DNM2: variants seen among roughly 807,000 people sequenced by gnomAD.
DNM2 encodes the protein dynamin 2.
In DNM2, 15 loss-of-function variants were observed where a neutral mutation model predicts 99.0. That is an observed-to-expected ratio of 0.15 (90% CI 0.10 to 0.23). The LOEUF (loss-of-function observed/expected upper bound fraction) is 0.23, where lower values mean the gene tolerates loss of function less well. Among genes scored for constraint, DNM2 ranks in the 10% least tolerant of loss-of-function variants. DNM2 has a pLI of 1.00. For missense variants in DNM2, 742 were observed against 1,189.4 expected, an observed-to-expected ratio of 0.62 and a Z score of 5.53; for synonymous variants, 525 against 481.2, an observed-to-expected ratio of 1.09 and a Z score of -1.19.
Position 10,811,632 on chromosome 19 carries a change from G to A in DNM2, c.1558-632G>A. On this transcript the variant is annotated intron_variant, in intron 14 of 20. Transcript: ENST00000389253. This position sits in a 1 kb window ranked among gnomAD's most constrained non-coding sequence, Gnocchi z 5.4. ...TGCCTCCAGCGGCCAGGGAGCATGG[G>A]AGCACAGCCCCCAGGCTGCCTGCCG... The A allele has an allele frequency of 2.1e-6, 1 of 478,110 alleles. No individual in the cohort carries two copies. The highest frequency in any genetic ancestry group is 4.2e-6 in the Non-Finnish European group (1 of 239,754). 29.6% of individuals were successfully genotyped at this position (478,110 alleles called of 1,614,324 possible).
chr19:10,739,032 G>A (rs2069639626), intron 1 of DNM2, among the ~76,000 whole-genome samples: 1 of 152,128 alleles, frequency 6.6e-6, no homozygotes, highest in Admixed American at 6.6e-5. Flanking sequence ...GCGGGGCGTG[G>A]TAGCGGGCGC....
Position 10,793,715 on chromosome 19 carries a change from C to T in DNM2, c.993-5C>T, listed in dbSNP as rs1465269872. 4 of 1,614,012 alleles carry T rather than the reference C, an allele frequency of 2.5e-6. No homozygotes were observed. The highest frequency in any genetic ancestry group is 1.7e-5 in the Admixed American group (1 of 59,986). ...TTGATGCTTGCTTTTTCCTTTTCCT[C>T]ATAGGATGGTCCAGCAGTTTGGGGT... On this transcript the variant is annotated splice_polypyrimidine_tract_variant and splice_region_variant and intron_variant, in intron 7 of 20. Transcript: ENST00000389253.
At chr19:10,718,620 A>C (rs2068832118) in intron 1 of DNM2, 2 of 620,298 alleles carry the variant, frequency 3.2e-6, no homozygotes, top group African/African-American at 1.9e-5. Flanking sequence ...GGGCGGTGTC[A>C]CGGGCCAGGG....
rs943392159 is a variant in DNM2 at position 10,816,842 on chromosome 19, C to T, written c.1672-3138C>T. ...AGTTTTCAGATCTCCTCTTCCTTCACGTGAGGGGCCCTTCGTGTTTTTCTC... is the reference window on the plus strand; with the variant it reads ...AGTTTTCAGATCTCCTCTTCCTTCATGTGAGGGGCCCTTCGTGTTTTTCTC... On this transcript the variant is annotated intron_variant, in intron 15 of 20. Transcript: ENST00000389253. This position sits in a 1 kb window ranked among gnomAD's most constrained non-coding sequence, Gnocchi z 4.6. Among the ~76,000 whole-genome samples, 3 of 152,220 alleles carry T rather than the reference C, an allele frequency of 2.0e-5. No individual in the cohort carries two copies. The highest frequency in any genetic ancestry group is 2.1e-4 in the South Asian group (1 of 4,834).
intron 14 of DNM2, chr19:10,809,650 C>T (rs763343200): frequency 4.6e-5 from 7 of 152,372 alleles, no homozygotes; most frequent in South Asian, 4.1e-4. Flanking sequence ...GGCCTCAGCC[C>T]GGCTCTTACA....
Position 10,718,422 on chromosome 19 carries a change from G to C in DNM2, c.161+19G>C. 6.9e-7 allele frequency: 1 copy of C among 1,438,894 alleles called. No homozygotes were observed. The highest frequency in any genetic ancestry group is 2.8e-5 in the East Asian group (1 of 35,310). 89.1% of individuals were successfully genotyped at this position (1,438,894 alleles called of 1,614,324 possible). On this transcript the variant is annotated intron_variant, in intron 1 of 20. Transcript: ENST00000389253. Reference sequence around the variant, plus strand: ...TGGGCCGGTGAGCGGGCGCGGCAGGGATCGCGGGCGGGTGGCGGCCTAGGG... The same window carrying C: ...TGGGCCGGTGAGCGGGCGCGGCAGGCATCGCGGGCGGGTGGCGGCCTAGGG...
At position 10,786,154 on chromosome 19, in the gene DNM2, C is replaced by T. The variant is rs550378430; in HGVS notation, c.850-410C>T. ...TTTTCTCTGTAGATGCAGATGCAGC[C>T]GGGGAGCTCATCTTGAGTGCATTCT... On this transcript the variant is annotated intron_variant, in intron 6 of 20. Transcript: ENST00000389253. Among the ~76,000 whole-genome samples, 15 of 152,296 alleles carry T rather than the reference C, an allele frequency of 9.8e-5. No individual in the cohort carries two copies. The South Asian group carries it at 1.0e-3, about 11-fold the overall frequency.
In DNM2 at chr19:10,802,751, G is replaced by A. The variant is rs139601631; in HGVS notation, c.1493+393G>A. On this transcript the variant is annotated intron_variant, in intron 12 of 20. Transcript: ENST00000389253. Reference sequence around the variant, plus strand: ...CAGCATCTCATGGGCTCAGGGCTCCGGAAGCTGCTCTTTGGGAAATGCTGC... The same window carrying A: ...CAGCATCTCATGGGCTCAGGGCTCCAGAAGCTGCTCTTTGGGAAATGCTGC... Among the ~76,000 whole-genome samples, 352 of 152,302 alleles carry A rather than the reference G, an allele frequency of 2.3e-3. 2 individuals carry two copies. The highest frequency in any genetic ancestry group is 8.0e-3 in the African/African-American group (332 of 41,586).
chr19:10,746,741 T>G lies in DNM2; in HGVS notation c.162-12997T>G, dbSNP rs920589325. 8.7e-4 allele frequency among the ~76,000 whole-genome samples: 127 copies of G among 145,572 alleles called. 2 individuals are homozygous for G. The East Asian group carries it at 9.9e-3, about 11-fold the overall frequency. ...GCTTTTTTTTTGTTTTTTGTTTTTT[T>G]TTTTTTTGAGACAGTCTCACTCTGT... On this transcript the variant is annotated intron_variant, in intron 1 of 20. Transcript: ENST00000389253.
At chr19:10,786,487 G>GT in intron 6 of DNM2, 77 bp from the exon 7 acceptor site, 1 of 1,607,936 alleles carries the variant, frequency 6.2e-7, no homozygotes, top group Non-Finnish European at 8.5e-7. Flanking sequence ...TTGGCCCTTG[G>GT]TTGGGGGGAG....
At chr19:10,726,617 G>A (rs912077022) in intron 1 of DNM2, among the ~76,000 whole-genome samples, 5 of 152,122 alleles carry the variant, frequency 3.3e-5, no homozygotes, top group African/African-American at 1.2e-4. Context: ...GATGAGAAAT[G>A]GGAGAAAAAA....
At chr19:10,746,720 T>TTTTTTTG (rs987277066) in intron 1 of DNM2, among the ~76,000 whole-genome samples, 27 of 86,584 alleles carry the variant, frequency 3.1e-4, no homozygotes, top group Non-Finnish European at 3.8e-4. Context: ...GTGCCGGCTT[T>TTTTTTTG]TTTTTTGTTT....
At chr19:10,804,510 G>T (rs544220823) in intron 12 of DNM2, among the ~76,000 whole-genome samples, 1 of 152,180 alleles carries the variant, frequency 6.6e-6, no homozygotes, top group African/African-American at 2.4e-5. Flanking sequence ...GGGAAACATG[G>T]TGAAACCCTG....
rs79067211 is a variant in DNM2, at chr19:10,742,244, A to T, written c.162-17494A>T. Among the ~76,000 whole-genome samples, 482 of 152,220 alleles carry T rather than the reference A, an allele frequency of 3.2e-3. 2 individuals carry two copies. Among genetic ancestry groups the T allele is most frequent in the Non-Finnish European group, 5.0e-3 (338 of 68,010 alleles). ...CTGCAAGGGAGTGCCATGTTGCATCAGAAGTGGATTTAGAGTGATGTTGCC... is the reference window on the plus strand; with the variant it reads ...CTGCAAGGGAGTGCCATGTTGCATCTGAAGTGGATTTAGAGTGATGTTGCC... On this transcript the variant is annotated intron_variant, in intron 1 of 20. Coordinates refer to ENST00000389253, the MANE Select transcript of DNM2 (RefSeq NM_001005361.3).
chr19:10,740,858 C>T (rs2069719858), intron 1 of DNM2, among the ~76,000 whole-genome samples: 1 of 152,076 alleles, frequency 6.6e-6, no homozygotes, highest in Non-Finnish European at 1.5e-5. Context: ...ATGTTCATTT[C>T]TATATATTTG....
rs2072943571 is a variant in DNM2, at chr19:10,820,721, G to A, written c.1781+632G>A. 6.6e-6 allele frequency among the ~76,000 whole-genome samples: 1 copy of A among 152,224 alleles called. No homozygotes were observed. Among genetic ancestry groups the A allele is most frequent in the East Asian group, 1.9e-4 (1 of 5,194 alleles). The stretch of plus-strand genomic sequence containing the variant: ...GAGAGGGTGCATCAGGGAGGCACCT[G>A]GGTAGATCGAGGAGTGTGATGTCCA... On this transcript the variant is annotated intron_variant, in intron 16 of 20. Coordinates refer to ENST00000389253, the MANE Select transcript of DNM2 (RefSeq NM_001005361.3). This position sits in a 1 kb window ranked among gnomAD's most constrained non-coding sequence, Gnocchi z 4.3.
At position 10,770,192 on chromosome 19, in the gene DNM2, C is replaced by G. The variant is rs541789914; in HGVS notation, c.236-2287C>G. On this transcript the variant is annotated intron_variant, in intron 2 of 20. Coordinates refer to ENST00000389253, the MANE Select transcript of DNM2 (RefSeq NM_001005361.3). Reference sequence around the variant, plus strand: ...CACTCTTCTTTCTGCCTTGAAGATTCTAGACCTGGCTGGGTGTTCATCTCC... The same window carrying G: ...CACTCTTCTTTCTGCCTTGAAGATTGTAGACCTGGCTGGGTGTTCATCTCC... Among the ~76,000 whole-genome samples the G allele has an allele frequency of 5.9e-5, 9 of 152,340 alleles. No homozygotes were observed. In the South Asian group the frequency reaches 1.7e-3, roughly 28 times the overall value.
intron 12 of DNM2, among the ~76,000 whole-genome samples, chr19:10,803,488 G>A (rs1183704934): frequency 2.0e-5 from 3 of 152,222 alleles, no homozygotes; most frequent in Non-Finnish European, 4.4e-5. Context: ...TGGGCTCACA[G>A]CGCTGGTCCC....
At chr19:10,806,259 C>T (rs541325840) in intron 13 of DNM2, among the ~76,000 whole-genome samples, 2 of 152,290 alleles carry the variant, frequency 1.3e-5, no homozygotes, top group African/African-American at 4.8e-5. Flanking sequence ...GTAGCTCACA[C>T]CTGTAATCCC....
Sources: gnomAD v4.1 joint callset for allele counts (sites outside exome capture counted in the v4.1 genomes callset) on GRCh38, gnomAD v4.1.1 for gene constraint, Gnocchi (gnomAD v3.1) non-coding constraint, MANE v1.5 for transcripts, NCBI Gene and HGNC (gene_info 2026-07-23, HGNC 2026-07-21) for gene names.